The following RALGAPA1 variants were observed in gnomAD, a reference collection of about 807,000 sequenced individuals.
RALGAPA1 encodes the protein Ral GTPase activating protein catalytic subunit alpha 1, also known as ral GTPase-activating protein subunit alpha-1.
Under a neutral mutation model 269.6 loss-of-function variants are expected in RALGAPA1, and 52 were observed. The observed-to-expected ratio is 0.19, with a 90% CI of 0.15 to 0.24. The LOEUF is 0.24. Ranked by LOEUF, RALGAPA1 falls within the 10% of genes least tolerant of loss-of-function variation. The pLI, the probability that RALGAPA1 is intolerant of heterozygous loss-of-function variation, is 1.00. For missense variants in RALGAPA1, 1,917 were observed against 3,013.9 expected (o/e 0.64, Z 8.52); for synonymous variants, 817 against 1,008.3 (o/e 0.81, Z 3.60).
intron 40 of RALGAPA1, 103 bp downstream of exon 40, chr14:35,549,007 A>G (rs1222954170): frequency 6.1e-6 from 8 of 1,311,830 alleles, no homozygotes; most frequent in Admixed American, 2.2e-5. Flanking sequence ...TTAAAAATTC[A>G]TATTTCAATG....
intron 29 of RALGAPA1, among the ~76,000 whole-genome samples, chr14:35,655,402 A>G (rs575734188): frequency 2.0e-5 from 3 of 152,136 alleles, no homozygotes; most frequent in African/African-American, 7.2e-5. Flanking sequence ...AAGAAGGCAC[A>G]TAACTTGAAA....
At chr14:35,615,017 C>A (rs546455204) in intron 35 of RALGAPA1, among the ~76,000 whole-genome samples, 86 of 152,150 alleles carry the variant, frequency 5.7e-4, no homozygotes, top group Non-Finnish European at 1.0e-3. Flanking sequence ...TTTCACTACT[C>A]CTTCTTATTT....
rs1429255449 is a variant in RALGAPA1 at position 35,634,644 on chromosome 14, A to G, written c.5925T>C (p.Ser1975=). Reference sequence around the variant, plus strand: ...AGTGCAGAGGCTCAGGCTCTTTCAGACTTTCCAAATGCATAAAAGGATCAT... The same window carrying G: ...AGTGCAGAGGCTCAGGCTCTTTCAGGCTTTCCAAATGCATAAAAGGATCAT... ...VDYDPFMHLE[S]LKEPEPLHSP... is the part of the protein sequence containing the mutation. The change falls in exon 33 of 42, where the codon AGT becomes AGC. Residue 1975 remains serine (S), a synonymous_variant. Coordinates refer to ENST00000680220, the MANE Select transcript of RALGAPA1 (RefSeq NM_001346249.2). 1 of 1,613,728 alleles carries G rather than the reference A, an allele frequency of 6.2e-7. No individual in the cohort carries two copies. The highest frequency in any genetic ancestry group is 1.3e-5 in the African/African-American group (1 of 74,998).
chr14:35,563,470 T>C (rs1470046858), intron 39 of RALGAPA1, among the ~76,000 whole-genome samples: 1 of 151,920 alleles, frequency 6.6e-6, no homozygotes, highest in African/African-American at 2.4e-5. Flanking sequence ...AGATGGGGGA[T>C]GGAGCTGGGG....
intron 16 of RALGAPA1, chr14:35,715,847 C>T (rs1374510673): frequency 1.0e-6 from 1 of 985,336 alleles, no homozygotes; most frequent in Non-Finnish European, 1.2e-6. Flanking sequence ...GATCATCCCA[C>T]TTTTCCAGTG....
chr14:35,561,514 T>G (rs1054489129), intron 39 of RALGAPA1, among the ~76,000 whole-genome samples: 1 of 138,790 alleles, frequency 7.2e-6, no homozygotes, highest in Admixed American at 7.1e-5. Context: ...GAGTTTTTTT[T>G]TTTTTTTTTT....
chr14:35,609,792 C>T (rs1031395074), intron 35 of RALGAPA1, among the ~76,000 whole-genome samples: 1 of 151,312 alleles, frequency 6.6e-6, no homozygotes, highest in Non-Finnish European at 1.5e-5. Context: ...TGTGATGGTG[C>T]ACACCAGTGG....
At chr14:35,595,870 A>G (rs1251161546) in intron 36 of RALGAPA1, 81 bp from the exon 37 acceptor site, 4 of 1,187,304 alleles carry the variant, frequency 3.4e-6, no homozygotes, top group Non-Finnish European at 3.5e-6. Flanking sequence ...TTCTTGCTTA[A>G]GAAAAAAATT....
chr14:35,569,719 T>A (rs573557852), intron 39 of RALGAPA1, among the ~76,000 whole-genome samples: 388 of 152,254 alleles, frequency 2.5e-3, no homozygotes, highest in Middle Eastern at 0.017. Flanking sequence ...TCAAAATTGG[T>A]TCAATCCTCA....
At chr14:35,680,753 T>C (rs950425145) in intron 21 of RALGAPA1, among the ~76,000 whole-genome samples, 1 of 151,998 alleles carries the variant, frequency 6.6e-6, no homozygotes, top group Non-Finnish European at 1.5e-5. Flanking sequence ...TAGCTAGGAC[T>C]ACAGGTGCCC....
At position 35,737,456 on chromosome 14, in the gene RALGAPA1, C is replaced by T. The variant is rs115030688; in HGVS notation, c.1587+1057G>A. Among the ~76,000 whole-genome samples, 791 of 152,034 alleles carry T rather than the reference C, an allele frequency of 5.2e-3. 10 individuals carry two copies. The highest frequency in any genetic ancestry group is 0.018 in the African/African-American group (736 of 41,472). ...ATTTTCCCAGCTGCATATAAAAATA[C>T]ATGTATAAGAATGTTCACAGTTGGG... On this transcript the variant is annotated intron_variant, in intron 12 of 41. Transcript: ENST00000680220.
chr14:35,708,081 A>T (rs2067965085), intron 16 of RALGAPA1, among the ~76,000 whole-genome samples: 1 of 152,178 alleles, frequency 6.6e-6, no homozygotes, highest in Non-Finnish European at 1.5e-5. Context: ...ATGAAACTAG[A>T]TCCCTTTCTC....
chr14:35,774,103 G>C (rs1306470406), intron 3 of RALGAPA1, among the ~76,000 whole-genome samples: 1 of 151,986 alleles, frequency 6.6e-6, no homozygotes, highest in East Asian at 1.9e-4. Context: ...ATTTTTAATA[G>C]AGACTAGGTC....
chr14:35,619,221 A>C (rs907870559), intron 35 of RALGAPA1, among the ~76,000 whole-genome samples: 1 of 152,194 alleles, frequency 6.6e-6, no homozygotes, highest in Non-Finnish European at 1.5e-5. Flanking sequence ...TTACATGAAA[A>C]AAGATAAATA....
At chr14:35,687,697 T>A (rs2140426530) in intron 18 of RALGAPA1, among the ~76,000 whole-genome samples, 1 of 152,386 alleles carries the variant, frequency 6.6e-6, no homozygotes, top group South Asian at 2.1e-4. Flanking sequence ...TAATCTTGCT[T>A]TCTGTTATCT....
chr14:35,730,307 C>T (rs896646398), intron 12 of RALGAPA1, among the ~76,000 whole-genome samples: 3 of 152,230 alleles, frequency 2.0e-5, no homozygotes, highest in East Asian at 1.9e-4. Flanking sequence ...TGGCCAGAGG[C>T]GTGTGGAAAA....
intron 41 of RALGAPA1, among the ~76,000 whole-genome samples, chr14:35,540,371 T>C (rs986174013): frequency 6.6e-6 from 1 of 152,230 alleles, no homozygotes; most frequent in Non-Finnish European, 1.5e-5. Context: ...ACAATGCTTT[T>C]GTTTTCATTA....
chr14:35,765,419 T>C (rs1426302500), intron 4 of RALGAPA1, among the ~76,000 whole-genome samples: 3 of 152,012 alleles, frequency 2.0e-5, no homozygotes, highest in African/African-American at 4.8e-5. Flanking sequence ...TACATACATA[T>C]ATATGATATA....
chr14:35,545,459 A>T (rs1594500687), intron 41 of RALGAPA1, among the ~76,000 whole-genome samples: 1 of 152,082 alleles, frequency 6.6e-6, no homozygotes, highest in African/African-American at 2.4e-5. Context: ...TTATATTTGA[A>T]TTTTATTAAT....
Sources: allele counts gnomAD v4.1 joint callset (sites outside exome capture counted in the v4.1 genomes callset), GRCh38; gene constraint gnomAD v4.1.1; transcripts MANE v1.5; gene names NCBI Gene and HGNC (gene_info 2026-07-23, HGNC 2026-07-21).